Variants in LOXL3 observed in about 807,000 individuals in gnomAD.
LOXL3 encodes lysyl oxidase homolog 3.
Under a neutral mutation model 91.8 loss-of-function variants are expected in LOXL3, and 60 were observed. That is an observed-to-expected ratio of 0.65 (90% CI 0.53 to 0.81). The LOEUF (loss-of-function observed/expected upper bound fraction) is 0.81. Ranked by LOEUF, LOXL3 falls within the 30% of genes least tolerant of loss-of-function variation. The pLI, the probability that LOXL3 is intolerant of heterozygous loss-of-function variation, is 0.00. For missense variants in LOXL3, 874 were observed against 1,000.4 expected (o/e 0.87, Z 1.70); for synonymous variants, 355 against 387.6 (o/e 0.92, Z 0.99).
intron 4 of LOXL3, among the ~76,000 whole-genome samples, chr2:74,544,232 G>T (rs1313143451): frequency 2.6e-5 from 4 of 152,100 alleles, no homozygotes; most frequent in Non-Finnish European, 5.9e-5. Context: ...ACCCAGGGAG[G>T]TGGAGGTTGC....
chr2:74,551,247 G>A (rs1051113560), intron 2 of LOXL3, among the ~76,000 whole-genome samples: 1 of 152,226 alleles, frequency 6.6e-6, no homozygotes, highest in Non-Finnish European at 1.5e-5. Context: ...ACCCTGTGGA[G>A]TATCACTGGC....
In LOXL3 at chr2:74,536,660, G is replaced by A. The variant is rs758700156; in HGVS notation, c.912+49C>T. The A allele has an allele frequency of 6.3e-7, 1 of 1,587,136 alleles. No individual in the cohort carries two copies. Among genetic ancestry groups the A allele is most frequent in the Non-Finnish European group, 8.6e-7 (1 of 1,157,818 alleles). The stretch of plus-strand genomic sequence containing the variant: ...TGCTTAGTCTGGGGTTGCCAGGCTA[G>A]GGGTTCTCCACCTGGGGTGGGAAAG... On this transcript the variant is annotated intron_variant, in intron 5 of 13. Transcript: ENST00000264094. The surrounding 1 kb of genome is among the most constrained non-coding windows in gnomAD (Gnocchi z 4.5).
At chr2:74,540,542 AC>A (rs1448635937) in intron 4 of LOXL3, among the ~76,000 whole-genome samples, 1 of 152,184 alleles carries the variant, frequency 6.6e-6, no homozygotes, top group Admixed American at 6.5e-5. Context: ...ACTGGGGAAC[AC>A]AGGCCAGGCT....
intron 9 of LOXL3, 93 bp from the exon 10 acceptor site, chr2:74,534,867 T>C: frequency 7.4e-7 from 1 of 1,351,008 alleles, no homozygotes; most frequent in South Asian, 1.4e-5. Flanking sequence ...GACTAGTTTT[T>C]TGTTTTTGTT....
rs201296491 is a variant in LOXL3 at position 74,549,475 on chromosome 2, C to T, written c.586G>A (p.Gly196Ser). The change falls in exon 4 of 14, where the codon GGC (glycine) becomes AGC (serine). Residue 196 changes from glycine to serine, a missense_variant. By Grantham distance (56) the Gly-to-Ser change is moderately conservative (BLOSUM62 0). Coordinates refer to ENST00000264094, the MANE Select transcript of LOXL3 (RefSeq NM_032603.5). This position sits in a 1 kb window ranked among gnomAD's most constrained non-coding sequence, Gnocchi z 5.3. ...EGLVEVRLPD[G>S]WSQVCDKGWS... The stretch of plus-strand genomic sequence containing the variant: ...CCTTTGTCGCACACTTGCGACCAGC[C>T]GTCAGGAAGCCTGACTTCCACCAGC... 3.7e-5 allele frequency: 59 copies of T among 1,613,380 alleles called. No individual in the cohort carries two copies. The highest frequency in any genetic ancestry group is 4.7e-5 in the Non-Finnish European group (56 of 1,179,788).
chr2:74,555,032 C>A, upstream of LOXL3: 1 of 1,412,764 alleles, frequency 7.1e-7, no homozygotes. The surrounding 1 kb of genome is among the most constrained non-coding windows in gnomAD (Gnocchi z 6.1). Flanking sequence ...GGAAACTTCG[C>A]CCCCAACCCC....
chr2:74,544,588 G>A (rs1220780406), intron 4 of LOXL3, among the ~76,000 whole-genome samples: 1 of 152,182 alleles, frequency 6.6e-6, no homozygotes, highest in Non-Finnish European at 1.5e-5. Flanking sequence ...CTGTAAAAGA[G>A]TAGTAAATAG....
At chr2:74,544,004 C>G (rs905606930) in intron 4 of LOXL3, among the ~76,000 whole-genome samples, 1 of 151,908 alleles carries the variant, frequency 6.6e-6, no homozygotes, top group Non-Finnish European at 1.5e-5. Flanking sequence ...ATAGCCCTCC[C>G]CATTAAAACA....
intron 4 of LOXL3, among the ~76,000 whole-genome samples, chr2:74,546,903 A>G (rs904229112): frequency 1.3e-5 from 2 of 151,596 alleles, no homozygotes; most frequent in Non-Finnish European, 2.9e-5. Context: ...TTTAGTAGAG[A>G]TGGGGTTTCT....
intron 3 of LOXL3, 76 bp downstream of exon 3, chr2:74,550,109 A>T: frequency 6.6e-7 from 1 of 1,517,154 alleles, no homozygotes; most frequent in South Asian, 1.3e-5. Context: ...CTACCTTCTA[A>T]TGTCTCCGCT....
At chr2:74,541,572 T>C (rs1205222461) in intron 4 of LOXL3, among the ~76,000 whole-genome samples, 3 of 152,168 alleles carry the variant, frequency 2.0e-5, no homozygotes, top group Non-Finnish European at 4.4e-5. Context: ...GTGTGAAATT[T>C]TTTCTCCAAA....
rs1356232828 is a variant in LOXL3 at position 74,536,090 on chromosome 2, T to A, written c.1154A>T (p.Lys385Met). ...RCSGQELSLW[K>M]CPHKNITAED... is the part of the protein sequence containing the mutation. Reference sequence around the variant, plus strand: ...AGCTGTGATGTTCTTGTGGGGGCACTTCCAGAGGGAGAGCTCCTGTCCAGA... The same window carrying A: ...AGCTGTGATGTTCTTGTGGGGGCACATCCAGAGGGAGAGCTCCTGTCCAGA... The change falls in exon 7 of 14, where the codon AAG (lysine) becomes ATG (methionine). Residue 385 changes from lysine (K) to methionine (M), a missense_variant. Lys to Met is a moderately conservative substitution (Grantham distance 95, BLOSUM62 -1). Coordinates refer to ENST00000264094, the MANE Select transcript of LOXL3 (RefSeq NM_032603.5). The surrounding 1 kb of genome is among the most constrained non-coding windows in gnomAD (Gnocchi z 4.5). 4 of 1,613,884 alleles carry A rather than the reference T, an allele frequency of 2.5e-6. No individual in the cohort carries two copies. The highest frequency in any genetic ancestry group is 8.5e-7 in the Non-Finnish European group (1 of 1,179,892).
In LOXL3 at chr2:74,533,928, G is replaced by A. The variant is rs1380890569; in HGVS notation, c.2142C>T (p.Asn714=). The part of the protein sequence containing the change: ...SDFTNNAMKC[N]CKYDGHRIWV... ...AGATTCTATGTCCATCATATTTGCA[G>A]TTACATTTCATTGCATTGTTGGTAA... The change falls in exon 13 of 14, where the codon AAC becomes AAT. Residue 714 remains asparagine, a synonymous_variant. Transcript: ENST00000264094. 1.9e-6 allele frequency: 3 copies of A among 1,614,174 alleles called. No individual in the cohort carries two copies. In the African/African-American group the frequency reaches 4.0e-5, roughly 22 times the overall value.
chr2:74,554,668 C>A, upstream of LOXL3: 1 of 1,394,898 alleles, frequency 7.2e-7, no homozygotes, highest in Non-Finnish European at 9.9e-7. This position sits in a 1 kb window ranked among gnomAD's most constrained non-coding sequence, Gnocchi z 4.9. Flanking sequence ...CGGGGAGGGG[C>A]GGAAACTCCT....
At chr2:74,555,370 A>G (rs767636262), upstream of LOXL3, 14 of 1,613,476 alleles carry the variant, frequency 8.7e-6, no homozygotes, top group South Asian at 1.5e-4. This position sits in a 1 kb window ranked among gnomAD's most constrained non-coding sequence, Gnocchi z 6.1. Flanking sequence ...CCGCCTGGAC[A>G]CTGCTCAGCG....
At chr2:74,554,395 C>A (rs925210114), upstream of LOXL3, 3 of 258,660 alleles carry the variant, frequency 1.2e-5, no homozygotes, top group Non-Finnish European at 2.2e-5. The surrounding 1 kb of genome is among the most constrained non-coding windows in gnomAD (Gnocchi z 4.9). Context: ...CTCTCCGGTG[C>A]CCGGGGCGCT....
Position 74,533,640 on chromosome 2 carries a change from C to T in LOXL3, c.2228G>A (p.Arg743His), listed in dbSNP as rs372712761. 1.9e-5 allele frequency: 31 copies of T among 1,613,828 alleles called. No individual in the cohort carries two copies. The highest frequency in any genetic ancestry group is 1.6e-4 in the African/African-American group (12 of 74,842). Residue 743 changes from arginine to histidine, a missense_variant, in exon 14 of 14, where the codon CGC becomes CAC. Arg to His is a conservative substitution (Grantham distance 29). Transcript: ENST00000264094. ...CTGGTTGCTGGTCTGGCCAGGGTAG[C>T]GTTCAAACCTCCTGTTGGCCTCTTC... is the stretch of plus-strand genomic sequence containing the variant. Reference protein sequence around the residue: ...FSEEANRRFERYPGQTSNQII With the variant: ...FSEEANRRFEHYPGQTSNQII
chr2:74,534,065 C>T, intron 12 of LOXL3, 35 bp downstream of exon 12: 2 of 1,613,024 alleles, frequency 1.2e-6, no homozygotes, highest in South Asian at 1.1e-5. Context: ...ACGCTCCCCC[C>T]ACTCACCCAT....
At chr2:74,537,504 G>C (rs915219756) in intron 4 of LOXL3, among the ~76,000 whole-genome samples, 2 of 152,230 alleles carry the variant, frequency 1.3e-5, no homozygotes, top group Admixed American at 6.5e-5. Flanking sequence ...CCAGCAGGTA[G>C]ACGCAAGAAA....
Sources: allele counts gnomAD v4.1 joint callset (sites outside exome capture counted in the v4.1 genomes callset), GRCh38; gene constraint gnomAD v4.1.1; non-coding constraint Gnocchi (gnomAD v3.1); transcripts MANE v1.5; gene names NCBI Gene and HGNC (gene_info 2026-07-23, HGNC 2026-07-21).